Variants in CMC1 observed in about 807,000 individuals in gnomAD.
The protein encoded by CMC1 is COX assembly mitochondrial protein homolog.
A neutral mutation model predicts 14.1 loss-of-function variants in CMC1; 14 were observed. That is an observed-to-expected ratio of 0.99 (90% CI 0.66 to 1.55). The LOEUF is 1.55. CMC1 is among the 40% of genes most tolerant of loss of function. The pLI, the probability that CMC1 is intolerant of heterozygous loss-of-function variation, is 0.00. For missense variants in CMC1, 127 were observed against 123.8 expected, an observed-to-expected ratio of 1.03 and a Z score of -0.12; for synonymous variants, 50 against 38.4, an observed-to-expected ratio of 1.30 and a Z score of -1.12.
At chr3:28,244,723 C>CT in intron 1 of CMC1, among the ~76,000 whole-genome samples, 1 of 147,544 alleles carries the variant, frequency 6.8e-6, no homozygotes, top group African/African-American at 2.5e-5. Context: ...GAGACTTCGT[C>CT]TCAAAAAAAA....
At chr3:28,306,055 T>G (rs1702290581) in intron 2 of CMC1, among the ~76,000 whole-genome samples, 1 of 152,064 alleles carries the variant, frequency 6.6e-6, no homozygotes, top group Admixed American at 6.6e-5. Context: ...GTGCCTATTT[T>G]TGTACTGGTC....
chr3:28,265,952 T>C (rs530573305), intron 2 of CMC1, among the ~76,000 whole-genome samples: 1 of 152,282 alleles, frequency 6.6e-6, no homozygotes, highest in African/African-American at 2.4e-5. Flanking sequence ...TGAACAGAAT[T>C]GGGTAAGGCA....
At chr3:28,291,299 A>G (rs1005031808) in intron 2 of CMC1, among the ~76,000 whole-genome samples, 3 of 152,100 alleles carry the variant, frequency 2.0e-5, no homozygotes, top group African/African-American at 7.2e-5. Flanking sequence ...ATTGGAGGCC[A>G]TCTTGGAAGC....
At chr3:28,269,236 T>A (rs1181280028) in intron 2 of CMC1, among the ~76,000 whole-genome samples, 1 of 152,146 alleles carries the variant, frequency 6.6e-6, no homozygotes, top group African/African-American at 2.4e-5. Flanking sequence ...TGTATAATGG[T>A]TATTACTTAC....
intron 1 of CMC1, among the ~76,000 whole-genome samples, chr3:28,249,549 A>G (rs1576971086): frequency 6.6e-6 from 1 of 152,218 alleles, no homozygotes; most frequent in African/African-American, 2.4e-5. Context: ...GTCTAGCTGC[A>G]TATTATAATT....
intron 2 of CMC1, among the ~76,000 whole-genome samples, chr3:28,288,367 CA>C (rs2125540788): frequency 6.6e-6 from 1 of 152,076 alleles, no homozygotes; most frequent in East Asian, 1.9e-4. Context: ...TGTGTAAATA[CA>C]TCTACTTTAT....
At chr3:28,268,718 T>A (rs1443565766) in intron 2 of CMC1, among the ~76,000 whole-genome samples, 1 of 152,262 alleles carries the variant, frequency 6.6e-6, no homozygotes, top group Admixed American at 6.5e-5. Context: ...TTAACTCTTT[T>A]CTGCACATGG....
At position 28,311,639 on chromosome 3, in the gene CMC1, G is replaced by A. The variant is rs114101535; in HGVS notation, c.110-4694G>A. On this transcript the variant is annotated intron_variant, in intron 2 of 3. Coordinates refer to ENST00000466830, the MANE Select transcript of CMC1 (RefSeq NM_182523.2). ...TTTTTACTTCACAGCTTCCAGAAGG[G>A]ATGATGATTACTGAGAGTGGCGCAG... is the stretch of plus-strand genomic sequence containing the variant. Among the ~76,000 whole-genome samples the A allele has an allele frequency of 1.9e-3, 294 of 152,280 alleles. 1 individual carries two copies. Among genetic ancestry groups the A allele is most frequent in the Middle Eastern group, 6.8e-3 (2 of 294 alleles).
In CMC1 at chr3:28,319,422, A is replaced by T. The variant is rs561928764; in HGVS notation, c.201-87A>T. 2,303 of 1,156,746 alleles carry T rather than the reference A, an allele frequency of 2.0e-3. 9 individuals are homozygous for T. Among genetic ancestry groups the T allele is most frequent in the South Asian group, 6.1e-3 (484 of 79,586 alleles). 71.7% of individuals were successfully genotyped at this position (1,156,746 alleles called of 1,614,324 possible). Reference sequence around the variant, plus strand: ...CTAAAGATTGAGCCTGATGAACCAGATGTCTGAATATTAGTAATTAAAGTA... The same window carrying T: ...CTAAAGATTGAGCCTGATGAACCAGTTGTCTGAATATTAGTAATTAAAGTA... On this transcript the variant is annotated intron_variant, in intron 3 of 3. Coordinates refer to ENST00000466830, the MANE Select transcript of CMC1 (RefSeq NM_182523.2).
chr3:28,265,648 A>C (rs1699970276), intron 2 of CMC1, among the ~76,000 whole-genome samples: 1 of 152,068 alleles, frequency 6.6e-6, no homozygotes. Flanking sequence ...AACCCAGCTG[A>C]TCATAAGAAT....
At chr3:28,307,808 A>T in intron 2 of CMC1, among the ~76,000 whole-genome samples, 1 of 152,214 alleles carries the variant, frequency 6.6e-6, no homozygotes, top group African/African-American at 2.4e-5. Flanking sequence ...TCATTGTATC[A>T]TAGTTCCGTA....
At chr3:28,282,347 T>G (rs1700943005) in intron 2 of CMC1, among the ~76,000 whole-genome samples, 2 of 152,064 alleles carry the variant, frequency 1.3e-5, no homozygotes, top group Admixed American at 1.3e-4. Flanking sequence ...TTATTCAGAG[T>G]GAGGCTGTTT....
rs1257499799 is a variant in CMC1 at position 28,319,843 on chromosome 3, C to T, written c.*214C>T. 1 of 376,124 alleles carries T rather than the reference C, an allele frequency of 2.7e-6. No homozygotes were observed. Among genetic ancestry groups the T allele is most frequent in the African/African-American group, 2.1e-5 (1 of 47,012 alleles). 23.3% of individuals were successfully genotyped at this position (376,124 alleles called of 1,614,324 possible). ...TATGGTTTTCCTGGTCATTCTGGAC[C>T]TTTTGAAAGTTTTCCCACAACTATA... is the stretch of plus-strand genomic sequence containing the variant. On this transcript the variant is annotated 3_prime_UTR_variant, in exon 4 of 4. Transcript: ENST00000466830.
intron 2 of CMC1, among the ~76,000 whole-genome samples, chr3:28,271,532 G>A (rs1700289896): frequency 2.0e-5 from 3 of 152,186 alleles, no homozygotes; most frequent in Non-Finnish European, 2.9e-5. Context: ...TCTTATTTCT[G>A]AGTTCTCTAT....
intron 1 of CMC1, among the ~76,000 whole-genome samples, chr3:28,254,679 T>C (rs1699301490): frequency 1.3e-5 from 2 of 152,198 alleles, no homozygotes; most frequent in Non-Finnish European, 2.9e-5. Context: ...CCTTAGTTAT[T>C]TAAGACCATT....
Position 28,323,287 on chromosome 3 carries a change from A to G in CMC1, c.*3658A>G, listed in dbSNP as rs549200286. ...CTGAAATCTGTGTGATGCTCCTTCT[A>G]CTACTTATTGAATAGTGTGTAGGGT... On this transcript the variant is annotated 3_prime_UTR_variant, in exon 4 of 4. Transcript: ENST00000466830. 3 of 151,020 alleles carry G rather than the reference A, an allele frequency of 2.0e-5. No individual in the cohort carries two copies. The highest frequency in any genetic ancestry group is 4.8e-5 in the African/African-American group (2 of 41,286). The allele number at this position is 151,020 out of a possible 1,614,324, so 9.4% of individuals were successfully genotyped here. A position where few individuals can be genotyped will look rare whatever the true frequency, so the allele number is the denominator to read the frequency against.
intron 2 of CMC1, among the ~76,000 whole-genome samples, chr3:28,305,219 A>C (rs1702246133): frequency 6.6e-6 from 1 of 152,184 alleles, no homozygotes; most frequent in African/African-American, 2.4e-5. Context: ...ACTTAGGATA[A>C]TGGCCTCCAG....
chr3:28,283,548 A>AAC (rs1701012496), intron 2 of CMC1, among the ~76,000 whole-genome samples: 2 of 80,312 alleles, frequency 2.5e-5, no homozygotes, highest in African/African-American at 3.8e-5. Context: ...ACAACAACAA[A>AAC]AACAAAAAAA....
chr3:28,267,185 TG>T (rs1404335733), intron 2 of CMC1, among the ~76,000 whole-genome samples: 1 of 152,106 alleles, frequency 6.6e-6, no homozygotes, highest in Non-Finnish European at 1.5e-5. Flanking sequence ...TAAAAAATAT[TG>T]TTTGCCGTAT....
Sources: allele counts gnomAD v4.1 joint callset (sites outside exome capture counted in the v4.1 genomes callset), GRCh38; gene constraint gnomAD v4.1.1; transcripts MANE v1.5; gene names NCBI Gene and HGNC (gene_info 2026-07-23, HGNC 2026-07-21).